Variants in RTL9 observed in about 807,000 individuals in gnomAD.
RTL9 encodes retrotransposon Gag like 9.
In RTL9, 19 loss-of-function variants were observed where a neutral mutation model predicts 44.7. The ratio of observed to expected loss-of-function variants is 0.42; its 90% CI spans 0.30 to 0.62. The LOEUF is 0.62. Ranked by LOEUF, RTL9 falls within the 20% of genes least tolerant of loss-of-function variation. RTL9 has a pLI of 0.16. For missense variants in RTL9, 1,105 were observed against 1,080.6 expected, an observed-to-expected ratio of 1.02 and a Z score of -0.32; for synonymous variants, 407 against 398.9, an observed-to-expected ratio of 1.02 and a Z score of -0.24.
intron 1 of RTL9, among the ~76,000 whole-genome samples, chrX:110,402,291 C>T (rs1164664284): frequency 1.8e-5 from 2 of 112,920 alleles, no homozygotes; most frequent in Non-Finnish European, 3.7e-5. Flanking sequence ...TGTTTTTTGC[C>T]TATGAGTGAT....
At chrX:110,422,506 G>A (rs1244140186) in intron 1 of RTL9, among the ~76,000 whole-genome samples, 1 of 112,830 alleles carries the variant, frequency 8.9e-6, no homozygotes, top group Non-Finnish European at 1.9e-5. Flanking sequence ...CCCACATTCT[G>A]GTTAAAACCA....
At chrX:110,415,534 A>G (rs187789044), upstream of RTL9, among the ~76,000 whole-genome samples, 1 of 111,468 alleles carries the variant, frequency 9.0e-6, no homozygotes, top group East Asian at 2.8e-4. Flanking sequence ...TCGACAACCA[A>G]TATGTATTGA....
chrX:110,424,249 T>C (rs1351632967), intron 1 of RTL9, among the ~76,000 whole-genome samples: 3 of 111,840 alleles, frequency 2.7e-5, no homozygotes, highest in Non-Finnish European at 5.6e-5. Context: ...TCACAGCTCT[T>C]GAGGACAAAA....
At chrX:110,442,485 C>T (rs1181378241) in intron 1 of RTL9, among the ~76,000 whole-genome samples, 2 of 111,607 alleles carry the variant, frequency 1.8e-5, no homozygotes, top group African/African-American at 6.5e-5. Context: ...AACTTAAAAA[C>T]GTGCTCTAGA....
At chrX:110,376,475 G>A (rs1049873521) in intron 1 of RTL9, among the ~76,000 whole-genome samples, 21 of 111,662 alleles carry the variant, frequency 1.9e-4, no homozygotes, top group African/African-American at 6.5e-4. Flanking sequence ...AGTTAAGGGA[G>A]CATCCCAAGG....
chrX:110,430,222 G>A (rs960605832), intron 1 of RTL9, among the ~76,000 whole-genome samples: 1 of 112,710 alleles, frequency 8.9e-6, no homozygotes, highest in Non-Finnish European at 1.9e-5. Context: ...AATGAATGTG[G>A]TACTTTACCG....
At chrX:110,377,134 T>C (rs1468556701) in intron 1 of RTL9, among the ~76,000 whole-genome samples, 1 of 111,638 alleles carries the variant, frequency 9.0e-6, no homozygotes, top group Non-Finnish European at 1.9e-5. Context: ...TGAAGATACT[T>C]ACAGGAGATA....
At chrX:110,455,347 T>TA (rs1397405765) in exon 2 of RTL9, 6 of 1,204,099 alleles carry the variant, frequency 5.0e-6, no homozygotes, top group Non-Finnish European at 6.7e-6. Flanking sequence ...TCTCCTGTGA[T>TA]ATCTGACTCG....
upstream of RTL9, among the ~76,000 whole-genome samples, chrX:110,447,111 CTTTTTTTT>C (rs1181988453): frequency 5.4e-5 from 2 of 36,833 alleles, no homozygotes; most frequent in Non-Finnish European, 8.8e-5. Context: ...TATTCTGTGA[CTTTTTTTT>C]TTTTTTTTTT....
intron 1 of RTL9, among the ~76,000 whole-genome samples, chrX:110,437,345 C>T (rs2068846206): frequency 8.9e-6 from 1 of 112,214 alleles, no homozygotes; most frequent in Non-Finnish European, 1.9e-5. Flanking sequence ...TTCCTTTGTA[C>T]TGGACACTGT....
intron 1 of RTL9, among the ~76,000 whole-genome samples, chrX:110,393,589 A>G (rs1163711532): frequency 8.9e-6 from 1 of 111,820 alleles, no homozygotes; most frequent in Non-Finnish European, 1.9e-5. Flanking sequence ...GGTGCCTCTA[A>G]AAGTTTCTTC....
At chrX:110,421,608 A>G (rs2068717866) in intron 1 of RTL9, among the ~76,000 whole-genome samples, 1 of 112,971 alleles carries the variant, frequency 8.9e-6, no homozygotes, top group African/African-American at 3.2e-5. Flanking sequence ...ATTTCCACAC[A>G]AGGCAATGAG....
chrX:110,387,914 T>G, intron 1 of RTL9, among the ~76,000 whole-genome samples: 1 of 98,126 alleles, frequency 1.0e-5, no homozygotes, highest in African/African-American at 3.9e-5. Context: ...CAGGCTGGAG[T>G]GCGGTGGTGC....
At chrX:110,425,997 C>A (rs777587643) in intron 1 of RTL9, among the ~76,000 whole-genome samples, 1 of 110,863 alleles carries the variant, frequency 9.0e-6, no homozygotes, top group African/African-American at 3.4e-5. Flanking sequence ...CACACACACA[C>A]AAACGCACAC....
At chrX:110,417,015 G>A (rs1005645595), upstream of RTL9, among the ~76,000 whole-genome samples, 1 of 112,448 alleles carries the variant, frequency 8.9e-6, no homozygotes, top group Non-Finnish European at 1.9e-5. Flanking sequence ...GCTGGGTGGC[G>A]AAGGGCTTTT....
chrX:110,399,710 C>T (rs1211114891), intron 1 of RTL9, among the ~76,000 whole-genome samples: 5 of 111,571 alleles, frequency 4.5e-5, no homozygotes. Context: ...TTGGGAGGCT[C>T]AGAAAAACAA....
upstream of RTL9, among the ~76,000 whole-genome samples, chrX:110,449,056 G>A (rs1326195221): frequency 1.8e-5 from 2 of 110,216 alleles, no homozygotes; most frequent in African/African-American, 6.6e-5. Flanking sequence ...CCATCTTGGG[G>A]TTGTCCAGGC....
intron 1 of RTL9, among the ~76,000 whole-genome samples, chrX:110,393,937 G>A (rs773850606): frequency 8.9e-6 from 1 of 112,391 alleles, no homozygotes; most frequent in South Asian, 3.7e-4. Flanking sequence ...AGTACACAAT[G>A]ACCATACGAA....
intron 1 of RTL9, among the ~76,000 whole-genome samples, chrX:110,364,505 G>T (rs1444888975): frequency 9.0e-6 from 1 of 111,263 alleles, no homozygotes; most frequent in Non-Finnish European, 1.9e-5. Context: ...GTCTTTATTT[G>T]GTTTCCTAAG....
Sources: gnomAD v4.1 joint callset for allele counts (sites outside exome capture counted in the v4.1 genomes callset) on GRCh38, gnomAD v4.1.1 for gene constraint, MANE v1.5 for transcripts, NCBI Gene and HGNC (gene_info 2026-07-23, HGNC 2026-07-21) for gene names.